Variants in FRMD4A observed in about 807,000 individuals in gnomAD.
The protein encoded by FRMD4A is FERM domain containing 4A, also known as FERM domain-containing protein 4A.
In FRMD4A, 29 loss-of-function variants were observed where a neutral mutation model predicts 129.1. That is an observed-to-expected ratio of 0.22 (90% CI 0.17 to 0.31). The LOEUF (loss-of-function observed/expected upper bound fraction) is 0.31. FRMD4A is among the 10% of genes least tolerant of loss of function. The probability of loss-of-function intolerance (pLI) is 1.00; values close to 1 mark genes in which losing one functional copy is unlikely to be tolerated. For missense variants in FRMD4A, 1,272 were observed against 1,375.8 expected (o/e 0.92, Z 1.19); for synonymous variants, 634 against 571.6 (o/e 1.11, Z -1.56).
intron 2 of FRMD4A, among the ~76,000 whole-genome samples, chr10:14,123,251 T>G (rs1415045320): frequency 1.3e-5 from 2 of 152,192 alleles, no homozygotes; most frequent in African/African-American, 4.8e-5. Flanking sequence ...GCCGCGAGTT[T>G]GAGCCACTCC....
chr10:14,131,976 C>T (rs1488446188), intron 2 of FRMD4A, among the ~76,000 whole-genome samples: 6 of 152,172 alleles, frequency 3.9e-5, no homozygotes, highest in Non-Finnish European at 7.3e-5. Context: ...TTTCTAATTT[C>T]TTATCCCTGA....
At chr10:13,928,676 T>G (rs1043386038) in intron 2 of FRMD4A, among the ~76,000 whole-genome samples, 3 of 152,160 alleles carry the variant, frequency 2.0e-5, no homozygotes, top group African/African-American at 7.2e-5. Context: ...TGGCTGGCAG[T>G]GGCTCTGAGG....
At chr10:14,004,802 G>A (rs997575186) in intron 2 of FRMD4A, among the ~76,000 whole-genome samples, 4 of 152,112 alleles carry the variant, frequency 2.6e-5, no homozygotes, top group African/African-American at 9.7e-5. Context: ...AATAGTTAAA[G>A]AGTAAATAGT....
chr10:13,710,552 T>G (rs1190543073), intron 12 of FRMD4A: 2 of 152,406 alleles, frequency 1.3e-5, no homozygotes, highest in East Asian at 3.9e-4. Context: ...CCCGGGATGA[T>G]GCACTAGACA....
At chr10:14,153,976 G>GCCATGAC (rs200783226) in intron 2 of FRMD4A, among the ~76,000 whole-genome samples, 3,512 of 152,266 alleles carry the variant, frequency 0.023, 65 homozygotes, top group Non-Finnish European at 0.036. Flanking sequence ...TGTCCCAACG[G>GCCATGAC]CCATGACGGG....
intron 2 of FRMD4A, among the ~76,000 whole-genome samples, chr10:14,306,636 T>C (rs1459553654): frequency 6.6e-6 from 1 of 152,226 alleles, no homozygotes; most frequent in Non-Finnish European, 1.5e-5. Flanking sequence ...TCTGATATTT[T>C]ATGAAGTTCA....
intron 2 of FRMD4A, among the ~76,000 whole-genome samples, chr10:14,064,988 C>T (rs1203261219): frequency 1.3e-5 from 2 of 152,102 alleles, no homozygotes; most frequent in African/African-American, 4.8e-5. Context: ...GTGTTGCCAC[C>T]ACACATTTAT....
At chr10:13,728,231 T>C (rs533223618) in intron 12 of FRMD4A, among the ~76,000 whole-genome samples, 1 of 152,318 alleles carries the variant, frequency 6.6e-6, no homozygotes, top group South Asian at 2.1e-4. Flanking sequence ...AAGCAGTTCA[T>C]TCAATATTGA....
chr10:13,657,625 G>A (rs1339763712), intron 21 of FRMD4A, 103 bp from the exon 22 acceptor site: 16 of 1,418,166 alleles, frequency 1.1e-5, no homozygotes, highest in African/African-American at 1.4e-5. Context: ...GTGTCTGCAC[G>A]CGGGCGCAGG....
intron 3 of FRMD4A, among the ~76,000 whole-genome samples, chr10:13,825,960 G>A (rs185224888): frequency 4.6e-5 from 7 of 152,208 alleles, no homozygotes; most frequent in African/African-American, 1.2e-4. Flanking sequence ...CTCCTAAAAC[G>A]TGTCTGTTTC....
chr10:14,140,234 G>C (rs1484886885), intron 2 of FRMD4A, among the ~76,000 whole-genome samples: 1 of 151,986 alleles, frequency 6.6e-6, no homozygotes, highest in South Asian at 2.1e-4. Flanking sequence ...GCTAATCTTC[G>C]TATTTTTTAG....
intron 2 of FRMD4A, among the ~76,000 whole-genome samples, chr10:14,162,082 A>T (rs1840917936): frequency 6.6e-6 from 1 of 151,736 alleles, no homozygotes; most frequent in Admixed American, 6.6e-5. Context: ...TCATCATGTA[A>T]TAAATAGAAA....
intron 15 of FRMD4A, chr10:13,685,321 T>G (rs1438009556): frequency 1.0e-6 from 1 of 984,954 alleles, no homozygotes; most frequent in Non-Finnish European, 1.2e-6. Flanking sequence ...CATGGCTCAC[T>G]GGCACTCGGT....
chr10:13,742,389 C>A (rs994104653), intron 9 of FRMD4A, among the ~76,000 whole-genome samples: 2 of 152,182 alleles, frequency 1.3e-5, no homozygotes, highest in African/African-American at 4.8e-5. Flanking sequence ...CTGGTCTGGC[C>A]CCAGAGCCTT....
chr10:13,925,025 C>A (rs1189500141), intron 2 of FRMD4A, among the ~76,000 whole-genome samples: 1 of 142,194 alleles, frequency 7.0e-6, no homozygotes, highest in Non-Finnish European at 1.5e-5. Flanking sequence ...GATTGCACCA[C>A]TGCACTCCAG....
chr10:13,994,378 C>T (rs7477717), intron 2 of FRMD4A, among the ~76,000 whole-genome samples: 43,324 of 151,632 alleles, frequency 0.29, 7,342 homozygotes, highest in East Asian at 0.73. Context: ...GGGGTTTCAC[C>T]ATGTTGGCCA....
chr10:13,654,683 T>C (rs886720474), intron 22 of FRMD4A, 171 bp from the exon 23 acceptor site: 41 of 599,778 alleles, frequency 6.8e-5, no homozygotes, highest in Non-Finnish European at 1.2e-4. Context: ...ATGGTCACAG[T>C]GGGCAACCAT....
intron 3 of FRMD4A, among the ~76,000 whole-genome samples, chr10:13,838,057 C>T (rs1036422452): frequency 2.0e-5 from 3 of 152,108 alleles, no homozygotes; most frequent in African/African-American, 4.8e-5. Context: ...TAACACATCA[C>T]AGGAAAGATT....
chr10:14,184,125 C>CTTTTTTTTTTTTTTTTTTTTTTTT (rs58858936), intron 2 of FRMD4A, among the ~76,000 whole-genome samples: 18 of 64,646 alleles, frequency 2.8e-4, no homozygotes, highest in Admixed American at 4.1e-4. Context: ...CTTTTCTTTT[C>CTTTTTTTTTTTTTTTTTTTTTTTT]TTTTTTTTTT....
Sources: gnomAD v4.1 joint callset for allele counts (sites outside exome capture counted in the v4.1 genomes callset) on GRCh38, gnomAD v4.1.1 for gene constraint, MANE v1.5 for transcripts, NCBI Gene and HGNC (gene_info 2026-07-23, HGNC 2026-07-21) for gene names.